DPP4: variants seen among roughly 807,000 people sequenced by gnomAD.
The protein encoded by DPP4 is dipeptidyl peptidase 4.
DPP4 carries 93 observed loss-of-function variants against 122.4 expected under a neutral mutation model. The observed-to-expected ratio is 0.76, with a 90% CI of 0.64 to 0.90. The LOEUF (loss-of-function observed/expected upper bound fraction) is 0.90. Ranked by LOEUF, DPP4 falls within the 40% of genes least tolerant of loss-of-function variation. The probability of loss-of-function intolerance (pLI) is 0.00; values close to 1 mark genes in which losing one functional copy is unlikely to be tolerated. For missense variants in DPP4, 914 were observed against 907.3 expected (o/e 1.01, Z -0.09); for synonymous variants, 321 against 302.9 (o/e 1.06, Z -0.62).
rs1271839462 is a variant in DPP4, at chr2:162,046,572, AGT to A, written c.285+341_285+342del. ...TAAATCTGGGAGAAGGTTAGCGTTA[AGT>A]GTGTGTATACGAGAGTCAAGCCAGA... On this transcript the variant is annotated intron_variant, in intron 4 of 25. Coordinates refer to ENST00000360534, the MANE Select transcript of DPP4 (RefSeq NM_001935.4). 3 of 388,800 alleles carry A rather than the reference AGT, an allele frequency of 7.7e-6. No individual in the cohort carries two copies. The Admixed American group carries it at 1.0e-4, about 13-fold the overall frequency. The allele number at this position is 388,800 out of a possible 1,614,324, so 24.1% of individuals were successfully genotyped here. A position where few individuals can be genotyped will look rare whatever the true frequency, so the allele number is the denominator to read the frequency against.
intron 23 of DPP4, among the ~76,000 whole-genome samples, chr2:162,001,975 C>T (rs1387669240): frequency 1.3e-5 from 2 of 152,122 alleles, no homozygotes; most frequent in Non-Finnish European, 2.9e-5. Context: ...GTGCTTCTCC[C>T]TTGCCTCTTG....
At chr2:162,060,034 ATTCTGTGATTAGT>A (rs999646678) in intron 2 of DPP4, among the ~76,000 whole-genome samples, 1 of 152,180 alleles carries the variant, frequency 6.6e-6, no homozygotes, top group African/African-American at 2.4e-5. Context: ...CTAGACTAAA[ATTCTGTGATTAGT>A]ATGCACCAAA....
chr2:162,017,054 C>G (rs1459999098), intron 17 of DPP4, 54 bp downstream of exon 17: 1 of 1,561,368 alleles, frequency 6.4e-7, no homozygotes, highest in African/African-American at 1.4e-5. Flanking sequence ...ACATGTTAGA[C>G]TTATGCAACA....
intron 2 of DPP4, among the ~76,000 whole-genome samples, chr2:162,051,868 A>G (rs75600147): frequency 0.025 from 3,860 of 152,356 alleles, 174 homozygotes; most frequent in African/African-American, 0.087. Context: ...ATTTGAAACC[A>G]GGTCCATTTC....
intron 11 of DPP4, 34 bp from the exon 12 acceptor site, chr2:162,022,833 A>T (rs1453982154): frequency 6.2e-7 from 1 of 1,610,800 alleles, no homozygotes; most frequent in South Asian, 1.1e-5. Flanking sequence ...CAGCATTTCA[A>T]AGAGAAGTCA....
chr2:162,041,347 T>C (rs1245965491), intron 5 of DPP4, among the ~76,000 whole-genome samples: 1 of 152,156 alleles, frequency 6.6e-6, no homozygotes, highest in Non-Finnish European at 1.5e-5. Context: ...TCTATTCTAG[T>C]GCAAGCCACA....
rs181439331 is a variant in DPP4 at position 161,992,298 on chromosome 2, T to C, written c.*985A>G. On this transcript the variant is annotated 3_prime_UTR_variant, in exon 26 of 26. Transcript: ENST00000360534. ...AATGACTGGGAGAAATTCCATAGTA[T>C]GTAGAATGGGAATAATAATACATAA... 2.6e-5 allele frequency: 4 copies of C among 152,366 alleles called. No individual in the cohort carries two copies. The highest frequency in any genetic ancestry group is 1.3e-4 in the Admixed American group (2 of 15,304). The allele number at this position is 152,366 out of a possible 1,614,324, so 9.4% of individuals were successfully genotyped here.
chr2:161,993,235 A>G lies in DPP4; in HGVS notation c.*48T>C. The G allele has an allele frequency of 2.1e-6, 3 of 1,444,742 alleles. No homozygotes were observed. The highest frequency in any genetic ancestry group is 1.9e-6 in the Non-Finnish European group (2 of 1,027,264). The allele number at this position is 1,444,742 out of a possible 1,614,324, so 89.5% of individuals were successfully genotyped here. ...ACAGTGCAGTTTTGAGATAATGAAA[A>G]CAAAAATGAGTTTTAATAAGCTTTA... On this transcript the variant is annotated 3_prime_UTR_variant, in exon 26 of 26. Coordinates refer to ENST00000360534, the MANE Select transcript of DPP4 (RefSeq NM_001935.4).
intron 10 of DPP4, among the ~76,000 whole-genome samples, chr2:162,029,440 T>C (rs1166393934): frequency 6.6e-6 from 1 of 152,180 alleles, no homozygotes; most frequent in East Asian, 1.9e-4. Context: ...ATGCCAACCC[T>C]CCCAGGTTCG....
intron 10 of DPP4, among the ~76,000 whole-genome samples, chr2:162,027,166 C>T (rs186286895): frequency 6.6e-6 from 1 of 152,082 alleles, no homozygotes; most frequent in South Asian, 2.1e-4. Context: ...GCCTGACCAA[C>T]ATGGCAAAAC....
intron 2 of DPP4, among the ~76,000 whole-genome samples, chr2:162,064,371 A>G (rs1684884973): frequency 6.6e-6 from 1 of 152,214 alleles, no homozygotes; most frequent in Non-Finnish European, 1.5e-5. Flanking sequence ...GGAAATTTTA[A>G]AACAAAGATT....
chr2:162,039,400 G>A (rs976039933), intron 5 of DPP4, among the ~76,000 whole-genome samples: 1 of 151,750 alleles, frequency 6.6e-6, no homozygotes, highest in African/African-American at 2.4e-5. Context: ...CCTAGCTCTG[G>A]CACCACCTCC....
At chr2:162,029,548 T>G (rs1683465333) in intron 10 of DPP4, among the ~76,000 whole-genome samples, 1 of 152,244 alleles carries the variant, frequency 6.6e-6, no homozygotes, top group Admixed American at 6.5e-5. Context: ...ATGCAGGTCC[T>G]AATGTGCAGA....
Position 162,025,090 on chromosome 2 carries a change from T to C in DPP4, c.888-151A>G, listed in dbSNP as rs1361000353. ...TGGTTAATGAAACCATTTAATATAA[T>C]ATTTCACCTTTTCTTAAAGCTTAAA... is the stretch of plus-strand genomic sequence containing the variant. On this transcript the variant is annotated intron_variant, in intron 10 of 25. Transcript: ENST00000360534. 5.9e-6 allele frequency: 5 copies of C among 849,906 alleles called. No homozygotes were observed. The African/African-American group carries it at 6.9e-5, about 12-fold the overall frequency. 52.6% of individuals were successfully genotyped at this position (849,906 alleles called of 1,614,324 possible).
intron 2 of DPP4, among the ~76,000 whole-genome samples, chr2:162,052,275 A>T (rs778154025): frequency 1.4e-5 from 2 of 144,972 alleles, no homozygotes; most frequent in Non-Finnish European, 3.0e-5. Flanking sequence ...CTGCGATCAC[A>T]CCATTGCACT....
chr2:162,041,692 G>T (rs1057375365), intron 5 of DPP4, among the ~76,000 whole-genome samples: 1 of 152,058 alleles, frequency 6.6e-6, no homozygotes. Flanking sequence ...CTATTAAGAT[G>T]GATTGAGATC....
intron 2 of DPP4, among the ~76,000 whole-genome samples, chr2:162,064,933 T>C (rs576523040): frequency 2.1e-4 from 32 of 152,370 alleles, no homozygotes; most frequent in African/African-American, 6.5e-4. Flanking sequence ...TCCTCTTTTG[T>C]TGAAAAATTA....
intron 2 of DPP4, 45 bp from the exon 3 acceptor site, chr2:162,047,546 T>C (rs1559721455): frequency 7.3e-7 from 1 of 1,369,546 alleles, no homozygotes. Flanking sequence ...TAAGATGGAA[T>C]AACCTAAGTT....
intron 12 of DPP4, among the ~76,000 whole-genome samples, chr2:162,022,353 A>T (rs1683162460): frequency 6.6e-6 from 1 of 152,198 alleles, no homozygotes; most frequent in Non-Finnish European, 1.5e-5. Context: ...TCTGCTTGTT[A>T]TAGTGACCTC....
Sources: gnomAD v4.1 joint callset for allele counts (sites outside exome capture counted in the v4.1 genomes callset) on GRCh38, gnomAD v4.1.1 for gene constraint, MANE v1.5 for transcripts, NCBI Gene and HGNC (gene_info 2026-07-23, HGNC 2026-07-21) for gene names.